Variants in CCSER1 observed in about 807,000 individuals in gnomAD.
CCSER1 encodes coiled-coil serine rich protein 1.
CCSER1 carries 41 observed loss-of-function variants against 82.0 expected under a neutral mutation model. That is an observed-to-expected ratio of 0.50 (90% CI 0.39 to 0.65). CCSER1 has a LOEUF of 0.65. Among genes scored for constraint, CCSER1 ranks in the 30% least tolerant of loss-of-function variants. CCSER1 has a pLI of 0.00. For missense variants in CCSER1, 1,119 were observed against 1,064.2 expected, an observed-to-expected ratio of 1.05 and a Z score of -0.72; for synonymous variants, 414 against 383.9, an observed-to-expected ratio of 1.08 and a Z score of -0.92.
chr4:90,271,876 T>A (rs1281880777), intron 1 of CCSER1, among the ~76,000 whole-genome samples: 46 of 92,448 alleles, frequency 5.0e-4, no homozygotes, highest in African/African-American at 1.7e-3. Context: ...TTTTTTTTTT[T>A]TTTTTTTTTT....
At chr4:91,458,533 A>C (rs1756326344) in intron 10 of CCSER1, among the ~76,000 whole-genome samples, 1 of 152,030 alleles carries the variant, frequency 6.6e-6, no homozygotes, top group African/African-American at 2.4e-5. Context: ...GAAATTTTGC[A>C]ATTATTTTTC....
intron 1 of CCSER1, among the ~76,000 whole-genome samples, chr4:90,260,565 G>C (rs1264011271): frequency 6.6e-6 from 1 of 152,078 alleles, no homozygotes; most frequent in Non-Finnish European, 1.5e-5. Flanking sequence ...TCTGACATAA[G>C]AATAGCTACT....
At chr4:91,526,285 C>A (rs1357568410) in intron 10 of CCSER1, among the ~76,000 whole-genome samples, 1 of 152,180 alleles carries the variant, frequency 6.6e-6, no homozygotes, top group Non-Finnish European at 1.5e-5. Context: ...TAAACTCAAC[C>A]AATTGTCAAC....
At chr4:90,962,089 G>A (rs1341702937) in intron 9 of CCSER1, among the ~76,000 whole-genome samples, 1 of 151,978 alleles carries the variant, frequency 6.6e-6, no homozygotes, top group African/African-American at 2.4e-5. Flanking sequence ...ATCCCCATTT[G>A]AGAAGAACTG....
intron 10 of CCSER1, among the ~76,000 whole-genome samples, chr4:91,462,781 C>A (rs572961487): frequency 6.6e-6 from 1 of 152,238 alleles, no homozygotes; most frequent in African/African-American, 2.4e-5. Context: ...AGTCAGAGAT[C>A]GAACTGCAAG....
At chr4:90,966,653 A>T (rs1318605603) in intron 9 of CCSER1, among the ~76,000 whole-genome samples, 1 of 152,158 alleles carries the variant, frequency 6.6e-6, no homozygotes, top group Non-Finnish European at 1.5e-5. Flanking sequence ...CGTGGAAGGG[A>T]TAAAGAGCAA....
chr4:90,631,212 T>G (rs1319074913), intron 6 of CCSER1, among the ~76,000 whole-genome samples: 1 of 152,136 alleles, frequency 6.6e-6, no homozygotes, highest in Non-Finnish European at 1.5e-5. Flanking sequence ...GATTATTTTT[T>G]AATGGCAGGA....
intron 5 of CCSER1, among the ~76,000 whole-genome samples, chr4:90,547,258 G>A (rs1246933565): frequency 6.6e-6 from 1 of 151,770 alleles, no homozygotes; most frequent in East Asian, 1.9e-4. Flanking sequence ...AAAAAAAGGT[G>A]AAGAATAGTT....
intron 10 of CCSER1, among the ~76,000 whole-genome samples, chr4:91,465,710 G>C (rs1264343231): frequency 1.3e-5 from 2 of 152,066 alleles, no homozygotes; most frequent in Non-Finnish European, 2.9e-5. Context: ...TACCATCAGA[G>C]AATACTATAA....
intron 5 of CCSER1, among the ~76,000 whole-genome samples, chr4:90,479,604 C>T (rs1322196223): frequency 6.6e-6 from 1 of 151,914 alleles, no homozygotes; most frequent in African/African-American, 2.4e-5. Flanking sequence ...TCAATTCCCA[C>T]CTATAAGTGA....
intron 7 of CCSER1, among the ~76,000 whole-genome samples, chr4:90,785,132 G>A (rs1171101148): frequency 6.6e-6 from 1 of 152,106 alleles, no homozygotes; most frequent in African/African-American, 2.4e-5. Context: ...TGCCTCCAGG[G>A]CTCAAGGGAT....
At chr4:90,651,732 A>G (rs1371919574) in intron 6 of CCSER1, among the ~76,000 whole-genome samples, 1 of 152,224 alleles carries the variant, frequency 6.6e-6, no homozygotes, top group Middle Eastern at 3.4e-3. Flanking sequence ...GAAGACAGAG[A>G]TAGCGTTCCC....
chr4:90,576,489 A>AC (rs1780785722), intron 5 of CCSER1, among the ~76,000 whole-genome samples: 1 of 152,122 alleles, frequency 6.6e-6, no homozygotes, highest in Admixed American at 6.5e-5. Flanking sequence ...GAGTAATTTC[A>AC]CTTCAACTAT....
At chr4:91,430,323 T>A (rs1754221186) in intron 10 of CCSER1, among the ~76,000 whole-genome samples, 1 of 152,194 alleles carries the variant, frequency 6.6e-6, no homozygotes, top group Non-Finnish European at 1.5e-5. Flanking sequence ...AAAACAGTTT[T>A]TATTGCATAG....
chr4:90,663,926 G>A (rs1019772548), intron 6 of CCSER1: 2 of 308,016 alleles, frequency 6.5e-6, no homozygotes, highest in South Asian at 2.8e-5. Flanking sequence ...TGAAGCTAAT[G>A]CTTAAGAATG....
At chr4:91,235,778 A>T (rs2149123045) in intron 10 of CCSER1, among the ~76,000 whole-genome samples, 1 of 152,274 alleles carries the variant, frequency 6.6e-6, no homozygotes, top group African/African-American at 2.4e-5. Flanking sequence ...ACTAGGTAAT[A>T]TTTAACTATA....
At chr4:91,064,940 A>G (rs1455607734) in intron 9 of CCSER1, among the ~76,000 whole-genome samples, 1 of 152,200 alleles carries the variant, frequency 6.6e-6, no homozygotes, top group Non-Finnish European at 1.5e-5. Context: ...TGATATTCTA[A>G]ACCTAGGTTT....
intron 7 of CCSER1, chr4:90,780,620 CT>C (rs1753640611): frequency 7.0e-7 from 1 of 1,422,702 alleles, no homozygotes; most frequent in Non-Finnish European, 9.1e-7. Flanking sequence ...GGACAGTAGG[CT>C]TTTCTATATC....
rs184489623 is a variant in CCSER1, at chr4:90,916,246, G to A, written c.2095-7124G>A. 2.1e-3 allele frequency among the ~76,000 whole-genome samples: 325 copies of A among 152,184 alleles called. 3 individuals carry two copies. Among genetic ancestry groups the A allele is most frequent in the African/African-American group, 7.3e-3 (303 of 41,546 alleles). ...AAAAGAACAAAGCTGGAGGCATCGC[G>A]CTACCTGACTTAAACTATACTACAA... On this transcript the variant is annotated intron_variant, in intron 8 of 10. Transcript: ENST00000509176.
Sources: gnomAD v4.1 joint callset for allele counts (sites outside exome capture counted in the v4.1 genomes callset) on GRCh38, gnomAD v4.1.1 for gene constraint, MANE v1.5 for transcripts, NCBI Gene and HGNC (gene_info 2026-07-23, HGNC 2026-07-21) for gene names.